The following AGMO variants were observed in gnomAD, a reference collection of about 807,000 sequenced individuals.
AGMO encodes glyceryl-ether monooxygenase.
Under a neutral mutation model 60.2 loss-of-function variants are expected in AGMO, and 75 were observed. That is an observed-to-expected ratio of 1.25 (90% CI 1.03 to 1.51). The LOEUF (loss-of-function observed/expected upper bound fraction) is 1.51. Ranked by LOEUF, AGMO falls within the 40% of genes most tolerant of loss-of-function variation. The pLI, the probability that AGMO is intolerant of heterozygous loss-of-function variation, is 0.00. For missense variants in AGMO, 763 were observed against 525.5 expected, an observed-to-expected ratio of 1.45 and a Z score of -4.42; for synonymous variants, 261 against 177.1, an observed-to-expected ratio of 1.47 and a Z score of -3.76.
intron 12 of AGMO, among the ~76,000 whole-genome samples, chr7:15,231,338 G>C (rs1313700267): frequency 1.3e-5 from 2 of 152,080 alleles, no homozygotes; most frequent in Admixed American, 1.3e-4. Flanking sequence ...GATGGACTCT[G>C]CTTCTATACT....
chr7:15,434,983 G>T (rs1262065464), intron 3 of AGMO, among the ~76,000 whole-genome samples: 1 of 150,480 alleles, frequency 6.6e-6, no homozygotes, highest in African/African-American at 2.4e-5. Context: ...TGAGTCTGTT[G>T]TCTTTTTTCA....
chr7:15,432,453 A>C (rs1389893516), intron 3 of AGMO, among the ~76,000 whole-genome samples: 1 of 150,724 alleles, frequency 6.6e-6, no homozygotes, highest in Non-Finnish European at 1.5e-5. Context: ...GAGAATTACC[A>C]AACAAAATTG....
At chr7:15,173,341 T>C in the AGMO span, among the ~76,000 whole-genome samples, 1 of 152,194 alleles carries the variant, frequency 6.6e-6, no homozygotes, top group Admixed American at 6.5e-5. Context: ...TGGCATGGTA[T>C]ATCTGATTTG....
At chr7:15,291,435 T>A (rs11525792) in intron 12 of AGMO, among the ~76,000 whole-genome samples, 44,422 of 152,096 alleles carry the variant, frequency 0.29, 6,540 homozygotes, top group South Asian at 0.39. Flanking sequence ...CGGTATAGTG[T>A]TCTTCTTAAG....
intron 12 of AGMO, among the ~76,000 whole-genome samples, chr7:15,276,771 T>C (rs1246004773): frequency 1.3e-5 from 2 of 152,152 alleles, no homozygotes; most frequent in Non-Finnish European, 2.9e-5. Flanking sequence ...CTGTGTTAAT[T>C]TGAAAGACTA....
intron 12 of AGMO, among the ~76,000 whole-genome samples, chr7:15,213,406 T>C (rs1338185006): frequency 6.6e-6 from 1 of 151,810 alleles, no homozygotes; most frequent in African/African-American, 2.4e-5. Flanking sequence ...TCAGTTCTAT[T>C]ATGTGAAAAA....
chr7:15,144,124 G>A, the AGMO span, among the ~76,000 whole-genome samples: 3 of 152,094 alleles, frequency 2.0e-5, no homozygotes, highest in African/African-American at 4.8e-5. Flanking sequence ...ACAAATATTT[G>A]TCTTTCAAAT....
At chr7:15,384,212 C>CAAT (rs1379384132) in intron 10 of AGMO, among the ~76,000 whole-genome samples, 4 of 152,216 alleles carry the variant, frequency 2.6e-5, no homozygotes, top group Non-Finnish European at 4.4e-5. Flanking sequence ...GCTGGGATTA[C>CAAT]AGGCATGAGC....
chr7:15,349,622 AT>A, intron 12 of AGMO, among the ~76,000 whole-genome samples: 1 of 152,126 alleles, frequency 6.6e-6, no homozygotes, highest in Admixed American at 6.6e-5. Context: ...GTATTAGCCT[AT>A]TCTCATGCTG....
At chr7:15,394,464 T>TG (rs1457136948) in intron 5 of AGMO, among the ~76,000 whole-genome samples, 1 of 152,198 alleles carries the variant, frequency 6.6e-6, no homozygotes, top group African/African-American at 2.4e-5. Flanking sequence ...TGTGTGATCC[T>TG]GGGGAAACGA....
At chr7:15,479,090 T>C (rs1072291) in intron 3 of AGMO, among the ~76,000 whole-genome samples, 66,895 of 152,018 alleles carry the variant, frequency 0.44, 16,277 homozygotes, top group Non-Finnish European at 0.56. Context: ...AAAATAAATA[T>C]AAATATCTGC....
chr7:15,261,695 A>C (rs1783276388), intron 12 of AGMO, among the ~76,000 whole-genome samples: 1 of 151,672 alleles, frequency 6.6e-6, no homozygotes, highest in Admixed American at 6.6e-5. Context: ...AGGACATAAC[A>C]AAAAAAAGAA....
intron 4 of AGMO, among the ~76,000 whole-genome samples, chr7:15,419,199 A>G (rs115786182): frequency 2.2e-3 from 335 of 152,012 alleles, no homozygotes; most frequent in African/African-American, 7.8e-3. Context: ...GTTATTAGGA[A>G]GGAGGTATGA....
the AGMO span, among the ~76,000 whole-genome samples, chr7:15,128,665 AAAAG>A: frequency 1.1e-4 from 17 of 152,240 alleles, no homozygotes; most frequent in African/African-American, 3.9e-4. Context: ...ATATGTAGAA[AAAAG>A]AAAGTTACCC....
the AGMO span, among the ~76,000 whole-genome samples, chr7:15,152,215 T>G: frequency 6.6e-6 from 1 of 152,152 alleles, no homozygotes; most frequent in South Asian, 2.1e-4. Context: ...GCAACACTCT[T>G]TTTTTGTTTT....
At chr7:15,509,680 A>T (rs1164730100) in intron 3 of AGMO, among the ~76,000 whole-genome samples, 1 of 152,162 alleles carries the variant, frequency 6.6e-6, no homozygotes, top group Non-Finnish European at 1.5e-5. Context: ...TAAAAGGTAT[A>T]TGACCCAAGA....
chr7:15,243,019 A>T (rs946934993), intron 12 of AGMO, among the ~76,000 whole-genome samples: 17 of 152,186 alleles, frequency 1.1e-4, no homozygotes, highest in African/African-American at 3.6e-4. Context: ...AGGTGAAAGG[A>T]ATTTAATGTA....
the AGMO span, among the ~76,000 whole-genome samples, chr7:15,142,732 C>T: frequency 6.6e-6 from 1 of 152,086 alleles, no homozygotes; most frequent in Admixed American, 6.6e-5. Flanking sequence ...TACAAAAGAG[C>T]TAGGCTACCT....
At chr7:15,181,224 T>G in the AGMO span, among the ~76,000 whole-genome samples, 13 of 152,206 alleles carry the variant, frequency 8.5e-5, no homozygotes, top group Admixed American at 5.9e-4. Flanking sequence ...AATTCTCACT[T>G]TTCCTTTCTA....
Sources: gnomAD v4.1 joint callset for allele counts (sites outside exome capture counted in the v4.1 genomes callset) on GRCh38, gnomAD v4.1.1 for gene constraint, MANE v1.5 for transcripts, NCBI Gene and HGNC (gene_info 2026-07-23, HGNC 2026-07-21) for gene names.